TRAPPC11: variants seen among roughly 807,000 people sequenced by gnomAD.
The protein encoded by TRAPPC11 is trafficking protein particle complex subunit 11.
A neutral mutation model predicts 151.2 loss-of-function variants in TRAPPC11; 104 were observed. That is an observed-to-expected ratio of 0.69 (90% CI 0.59 to 0.81). TRAPPC11 has a LOEUF of 0.81. Ranked by LOEUF, TRAPPC11 falls within the 30% of genes least tolerant of loss-of-function variation. The pLI is 0.00. For missense variants in TRAPPC11, 1,230 were observed against 1,349.6 expected (o/e 0.91, Z 1.39); for synonymous variants, 456 against 472.3 (o/e 0.97, Z 0.45).
intron 14 of TRAPPC11, 132 bp downstream of exon 14, chr4:183,684,491 G>T: frequency 9.4e-7 from 1 of 1,058,322 alleles, no homozygotes; most frequent in Non-Finnish European, 1.4e-6. Context: ...TTTCTGTAAT[G>T]TTTTTTTCAA....
chr4:183,684,990 A>T lies in TRAPPC11; in HGVS notation c.1568-94A>T, dbSNP rs575902364. Reference sequence around the variant, plus strand: ...CTGTGCTTAGTCATCTTAAAGAGGTATTTATTATTATATCAAGTTTCTAAA... The same window carrying T: ...CTGTGCTTAGTCATCTTAAAGAGGTTTTTATTATTATATCAAGTTTCTAAA... On this transcript the variant is annotated intron_variant, in intron 15 of 29. Coordinates refer to ENST00000334690, the MANE Select transcript of TRAPPC11 (RefSeq NM_021942.6). The T allele has an allele frequency of 3.0e-6, 4 of 1,340,932 alleles. No homozygotes were observed. In the East Asian group the frequency reaches 9.5e-5, roughly 32 times the overall value. The allele number at this position is 1,340,932 out of a possible 1,614,324, so 83.1% of individuals were successfully genotyped here. A position where few individuals can be genotyped will look rare whatever the true frequency, so the allele number is the denominator to read the frequency against.
chr4:183,667,110 A>G lies in TRAPPC11; in HGVS notation c.425A>G (p.Lys142Arg), dbSNP rs1175816242. 1.2e-6 allele frequency: 2 copies of G among 1,605,378 alleles called. No individual in the cohort carries two copies. Among genetic ancestry groups the G allele is most frequent in the Admixed American group, 1.7e-5 (1 of 59,960 alleles). ...AAAGTTGCAGTGGTTCTGATTCAGA[A>G]GAAAACCCCTTTGCCCCCAGGTATC... ...NTKVAVVLIQ[K>R]KTPLPPGEDV... The change falls in exon 4 of 30, where the codon AAG (lysine) becomes AGG (arginine). Residue 142 changes from lysine to arginine, a missense_variant. Lys to Arg is a conservative substitution (Grantham distance 26, BLOSUM62 2). Coordinates refer to ENST00000334690, the MANE Select transcript of TRAPPC11 (RefSeq NM_021942.6).
At chr4:183,682,647 T>A in intron 10 of TRAPPC11, 85 bp from the exon 11 acceptor site, 1 of 695,594 alleles carries the variant, frequency 1.4e-6, no homozygotes, top group Non-Finnish European at 2.3e-6. Flanking sequence ...TTATGAAAAC[T>A]TTTTTGTTCA....
At chr4:183,708,299 A>G in intron 28 of TRAPPC11, 108 bp from the exon 29 acceptor site, 5 of 1,162,562 alleles carry the variant, frequency 4.3e-6, no homozygotes, top group Non-Finnish European at 6.0e-6. Context: ...ATATTTCAGT[A>G]GAAGGATTTG....
At chr4:183,710,959 A>G (rs993745527) in intron 29 of TRAPPC11, among the ~76,000 whole-genome samples, 1 of 151,978 alleles carries the variant, frequency 6.6e-6, no homozygotes, top group Non-Finnish European at 1.5e-5. Flanking sequence ...TGAATCTGGA[A>G]GACAGAGGTT....
intron 26 of TRAPPC11, among the ~76,000 whole-genome samples, chr4:183,702,078 T>A (rs866012330): frequency 1.3e-5 from 2 of 152,268 alleles, no homozygotes; most frequent in Middle Eastern, 3.4e-3. Context: ...GCGCAGTGGC[T>A]CCCACCTGTA....
Position 183,693,007 on chromosome 4 carries a change from G to A in TRAPPC11, c.2097G>A (p.Val699=). The change falls in exon 20 of 30, where the codon GTG becomes GTA. Residue 699 remains valine (V), a synonymous_variant. Transcript: ENST00000334690. ...LALGNETGRC[V]VLNWQGGGGD... is the part of the protein sequence containing the mutation. ...TGGGCAATGAGACGGGAAGATGTGTGGTTTTAAATTGGCAGGGAGGAGGAG... is the reference window on the plus strand; with the variant it reads ...TGGGCAATGAGACGGGAAGATGTGTAGTTTTAAATTGGCAGGGAGGAGGAG... The A allele has an allele frequency of 6.2e-7, 1 of 1,613,610 alleles. No homozygotes were observed. Among genetic ancestry groups the A allele is most frequent in the Non-Finnish European group, 8.5e-7 (1 of 1,179,776 alleles).
chr4:183,691,203 A>G (rs942031160), intron 18 of TRAPPC11, 113 bp from the exon 19 acceptor site: 3 of 787,800 alleles, frequency 3.8e-6, no homozygotes, highest in East Asian at 3.0e-5. Context: ...TTTATTAGTA[A>G]CCCTTCATAA....
At chr4:183,674,489 TTGTATCC>T (rs1317399391) in intron 5 of TRAPPC11, among the ~76,000 whole-genome samples, 1 of 151,948 alleles carries the variant, frequency 6.6e-6, no homozygotes, top group African/African-American at 2.4e-5. Flanking sequence ...TTTTTATTTG[TTGTATCC>T]TGTATTATAA....
At chr4:183,696,380 G>GT (rs1248541917) in intron 23 of TRAPPC11, among the ~76,000 whole-genome samples, 3 of 151,824 alleles carry the variant, frequency 2.0e-5, no homozygotes, top group Non-Finnish European at 2.9e-5. Flanking sequence ...TAACCCCATG[G>GT]TTTTTTTTCT....
At chr4:183,674,995 A>T in intron 6 of TRAPPC11, 169 bp from the exon 7 acceptor site, 1 of 577,358 alleles carries the variant, frequency 1.7e-6, no homozygotes, top group South Asian at 3.3e-5. Context: ...AAGTTCTTAA[A>T]GGTAGATTTT....
In TRAPPC11 at chr4:183,693,685, C is replaced by T. The variant is rs779675396; in HGVS notation, c.2334C>T (p.Ser778=). Residue 778 remains serine, a synonymous_variant, in exon 21 of 30, where the codon TCC becomes TCT. Transcript: ENST00000334690. ...ATTGTTTGGTTGTGACTGTTCAGTC[C>T]CATGAAAAGACCCAAATCAGAGATG... is the stretch of plus-strand genomic sequence containing the variant. ...EMYCLVVTVQ[S]HEKTQIRDVK... is the part of the protein sequence containing the mutation. 4 of 1,614,020 alleles carry T rather than the reference C, an allele frequency of 2.5e-6. No individual in the cohort carries two copies. The highest frequency in any genetic ancestry group is 3.4e-6 in the Non-Finnish European group (4 of 1,180,008).
At chr4:183,709,885 T>G (rs72693623) in intron 29 of TRAPPC11, among the ~76,000 whole-genome samples, 2 of 152,142 alleles carry the variant, frequency 1.3e-5, no homozygotes, top group Non-Finnish European at 2.9e-5. Context: ...GACATTTCCA[T>G]TGGCCCCACA....
chr4:183,698,057 T>G (rs1218315146), intron 25 of TRAPPC11, among the ~76,000 whole-genome samples: 2 of 152,206 alleles, frequency 1.3e-5, no homozygotes, highest in Non-Finnish European at 2.9e-5. Context: ...TAGACTTTTT[T>G]CCTACTCTAA....
chr4:183,700,272 C>A (rs919125769), intron 25 of TRAPPC11, among the ~76,000 whole-genome samples: 1 of 152,138 alleles, frequency 6.6e-6, no homozygotes, highest in African/African-American at 2.4e-5. Context: ...AATATCATTT[C>A]CAAGTCTTTA....
At chr4:183,671,368 A>G (rs905651851) in intron 5 of TRAPPC11, among the ~76,000 whole-genome samples, 7 of 152,180 alleles carry the variant, frequency 4.6e-5, no homozygotes, top group Non-Finnish European at 7.3e-5. Context: ...GTATTGAAGC[A>G]GTGTTTCACT....
At chr4:183,704,775 T>A (rs1736971691) in intron 26 of TRAPPC11, among the ~76,000 whole-genome samples, 1 of 152,088 alleles carries the variant, frequency 6.6e-6, no homozygotes, top group Non-Finnish European at 1.5e-5. Context: ...ATCGCGCCAC[T>A]GCACTCCAGT....
At chr4:183,706,516 C>A (rs1261246558) in intron 27 of TRAPPC11, among the ~76,000 whole-genome samples, 1 of 148,376 alleles carries the variant, frequency 6.7e-6, no homozygotes, top group Non-Finnish European at 1.5e-5. Context: ...GAGCGAGACT[C>A]CGCCTCAAAA....
At chr4:183,705,962 G>A (rs749746459) in intron 27 of TRAPPC11, 9 of 152,074 alleles carry the variant, frequency 5.9e-5, no homozygotes, top group East Asian at 5.8e-4. Flanking sequence ...ATGTAAATGG[G>A]ACTGGTGCAG....
Sources: allele counts gnomAD v4.1 joint callset (sites outside exome capture counted in the v4.1 genomes callset), GRCh38; gene constraint gnomAD v4.1.1; transcripts MANE v1.5; gene names NCBI Gene and HGNC (gene_info 2026-07-23, HGNC 2026-07-21).